Variants in VAV2 observed in about 807,000 individuals in gnomAD.
VAV2 encodes the protein vav guanine nucleotide exchange factor 2.
VAV2 carries 67 observed loss-of-function variants against 132.5 expected under a neutral mutation model. That is an observed-to-expected ratio of 0.51 (90% CI 0.42 to 0.62). The LOEUF is 0.62. Ranked by LOEUF, VAV2 falls within the 20% of genes least tolerant of loss-of-function variation. The probability of loss-of-function intolerance (pLI) is 0.00; values close to 1 mark genes in which losing one functional copy is unlikely to be tolerated. For missense variants in VAV2, 938 were observed against 1,153.6 expected (o/e 0.81, Z 2.71); for synonymous variants, 492 against 443.5 (o/e 1.11, Z -1.37).
Position 133,784,310 on chromosome 9 carries a change from C to T in VAV2, c.1634+7G>A. On this transcript the variant is annotated splice_region_variant and intron_variant, in intron 18 of 29. Coordinates refer to ENST00000371850, the MANE Select transcript of VAV2 (RefSeq NM_001134398.2). ...AGGTGAGGGCTGTAGCAGGGGGTTT[C>T]CCACACCTGAGGAACATTTTGCAGG... is the stretch of plus-strand genomic sequence containing the variant. The T allele has an allele frequency of 6.2e-7, 1 of 1,613,944 alleles. No individual in the cohort carries two copies. The highest frequency in any genetic ancestry group is 2.2e-5 in the East Asian group (1 of 44,880).
At chr9:133,947,470 C>T (rs964922200) in intron 1 of VAV2, among the ~76,000 whole-genome samples, 9 of 152,096 alleles carry the variant, frequency 5.9e-5, no homozygotes, top group South Asian at 2.1e-4. Context: ...GAGGCCAAGG[C>T]GGGTGGATCA....
At position 133,840,471 on chromosome 9, in the gene VAV2, A is replaced by G. The variant is rs186420323; in HGVS notation, c.381-6131T>C. The stretch of plus-strand genomic sequence containing the variant: ...GCTCAAGGAGCTCCCCCAGCCCCCA[A>G]CAGGCCTTCCCCATGAGCTCAATTC... On this transcript the variant is annotated intron_variant, in intron 3 of 29. Coordinates refer to ENST00000371850, the MANE Select transcript of VAV2 (RefSeq NM_001134398.2). This position sits in a 1 kb window ranked among gnomAD's most constrained non-coding sequence, Gnocchi z 4.5. Among the ~76,000 whole-genome samples the G allele has an allele frequency of 5.1e-3, 774 of 152,234 alleles. 3 individuals are homozygous for G. The highest frequency in any genetic ancestry group is 4.6e-3 in the African/African-American group (193 of 41,546).
At chr9:133,820,490 A>T (rs1835744570) in intron 4 of VAV2, among the ~76,000 whole-genome samples, 1 of 151,426 alleles carries the variant, frequency 6.6e-6, no homozygotes, top group Admixed American at 6.6e-5. Context: ...CGCCCGGCTA[A>T]TTTTTTTTGT....
intron 2 of VAV2, among the ~76,000 whole-genome samples, chr9:133,881,143 C>T (rs574378305): frequency 9.8e-5 from 15 of 152,316 alleles, no homozygotes; most frequent in African/African-American, 3.6e-4. Context: ...GGTGGTGGAG[C>T]TAGGACTGGC....
chr9:133,986,890 T>A (rs1469216500), intron 1 of VAV2, among the ~76,000 whole-genome samples: 1 of 152,022 alleles, frequency 6.6e-6, no homozygotes, highest in Non-Finnish European at 1.5e-5. Flanking sequence ...TCCACTGGGG[T>A]CCTTGCGTGA....
intron 2 of VAV2, among the ~76,000 whole-genome samples, chr9:133,933,498 T>C (rs879937653): frequency 3.3e-3 from 218 of 65,340 alleles, no homozygotes; most frequent in Non-Finnish European, 6.6e-3. Context: ...GATGGATGGA[T>C]GGATGGTGAA....
At chr9:133,795,642 T>C (rs1834679387) in intron 12 of VAV2, 26 bp downstream of exon 12, 1 of 1,613,378 alleles carries the variant, frequency 6.2e-7, no homozygotes, top group African/African-American at 1.3e-5. Context: ...CGGTGGCTTC[T>C]CCCCTGCCTC....
rs1343561498 is a variant in VAV2, at chr9:133,833,204, T to G, written c.449+1068A>C. 6.6e-6 allele frequency among the ~76,000 whole-genome samples: 1 copy of G among 152,160 alleles called. No homozygotes were observed. The highest frequency in any genetic ancestry group is 1.5e-5 in the Non-Finnish European group (1 of 68,018). On this transcript the variant is annotated intron_variant, in intron 4 of 29. Transcript: ENST00000371850. The surrounding 1 kb of genome is among the most constrained non-coding windows in gnomAD (Gnocchi z 5.6). ...GCTGATATGGGGATGACTTGAATTG[T>G]GTATATACACAGGGATCCTGCGGAA... is the stretch of plus-strand genomic sequence containing the variant.
intron 3 of VAV2, among the ~76,000 whole-genome samples, chr9:133,852,058 GGATA>G (rs1482404534): frequency 2.0e-5 from 3 of 152,112 alleles, no homozygotes; most frequent in Non-Finnish European, 2.9e-5. Context: ...ATGGATGGAT[GGATA>G]AATGAGTGAC....
intron 25 of VAV2, 119 bp from the exon 26 acceptor site, chr9:133,772,165 G>A (rs1833653683): frequency 4.7e-6 from 4 of 842,736 alleles, no homozygotes; most frequent in Non-Finnish European, 1.9e-6. Context: ...GGCCCCCAGG[G>A]CCACTCCCTG....
intron 2 of VAV2, among the ~76,000 whole-genome samples, chr9:133,905,060 CG>C (rs1184251267): frequency 3.9e-5 from 6 of 152,078 alleles, no homozygotes; most frequent in Admixed American, 3.3e-4. Flanking sequence ...TCTCCCAGGG[CG>C]GGGGGCTCTG....
At chr9:133,770,242 G>T in intron 27 of VAV2, 136 bp downstream of exon 27, 1 of 1,380,162 alleles carries the variant, frequency 7.2e-7, no homozygotes, top group Non-Finnish European at 9.7e-7. Context: ...CGATGGCTGG[G>T]GGAGGGGCGG....
At chr9:133,951,446 C>T (rs1841557012) in intron 1 of VAV2, among the ~76,000 whole-genome samples, 1 of 152,186 alleles carries the variant, frequency 6.6e-6, no homozygotes, top group Non-Finnish European at 1.5e-5. Context: ...CAGGTGCCTA[C>T]AAAGCCCCAC....
chr9:133,860,787 A>T (rs1421706889), intron 3 of VAV2, among the ~76,000 whole-genome samples: 1 of 152,164 alleles, frequency 6.6e-6, no homozygotes, highest in Non-Finnish European at 1.5e-5. Context: ...ACCAGTTCTC[A>T]TCTGGGGCTG....
intron 3 of VAV2, among the ~76,000 whole-genome samples, chr9:133,835,444 A>G (rs1836433515): frequency 6.6e-6 from 1 of 152,150 alleles, no homozygotes; most frequent in South Asian, 2.1e-4. Context: ...CAGGAGAGGC[A>G]GATCAAACAC....
chr9:133,851,962 TGGATGGAA>T (rs1169299359), intron 3 of VAV2, among the ~76,000 whole-genome samples: 2 of 150,538 alleles, frequency 1.3e-5, no homozygotes, highest in Non-Finnish European at 2.9e-5. Flanking sequence ...CATGGATGTA[TGGATGGAA>T]GGATGGATGA....
intron 3 of VAV2, among the ~76,000 whole-genome samples, chr9:133,854,413 G>C (rs1436831821): frequency 2.0e-5 from 3 of 152,250 alleles, no homozygotes; most frequent in Admixed American, 1.3e-4. Context: ...CCCAGCCATG[G>C]CTGGACGAAT....
chr9:133,905,983 T>C (rs144428449), intron 2 of VAV2, among the ~76,000 whole-genome samples: 111 of 152,238 alleles, frequency 7.3e-4, no homozygotes, highest in Admixed American at 1.8e-3. Flanking sequence ...GAGGCTGTAG[T>C]GAGCCATGAT....
intron 2 of VAV2, among the ~76,000 whole-genome samples, chr9:133,878,465 T>G (rs577586111): frequency 6.6e-6 from 1 of 152,296 alleles, no homozygotes; most frequent in Admixed American, 6.5e-5. Flanking sequence ...CTTGGTTTCC[T>G]CAGCTGTGAG....
Sources: gnomAD v4.1 joint callset for allele counts (sites outside exome capture counted in the v4.1 genomes callset) on GRCh38, gnomAD v4.1.1 for gene constraint, Gnocchi (gnomAD v3.1) non-coding constraint, MANE v1.5 for transcripts, NCBI Gene and HGNC (gene_info 2026-07-23, HGNC 2026-07-21) for gene names.